Variants in CADPS2 observed in about 807,000 individuals in gnomAD.
CADPS2 encodes calcium-dependent secretion activator 2.
A neutral mutation model predicts 172.5 loss-of-function variants in CADPS2; 93 were observed. The observed-to-expected ratio is 0.54, with a 90% CI of 0.46 to 0.64. The LOEUF (loss-of-function observed/expected upper bound fraction) is 0.64, where lower values mean the gene tolerates loss of function less well. Ranked by LOEUF, CADPS2 falls within the 30% of genes least tolerant of loss-of-function variation. The pLI is 0.00. For missense variants in CADPS2, 1,420 were observed against 1,565.9 expected (o/e 0.91, Z 1.57); for synonymous variants, 546 against 555.2 (o/e 0.98, Z 0.23).
chr7:122,634,249 G>A (rs775935018), intron 3 of CADPS2, among the ~76,000 whole-genome samples: 1 of 152,110 alleles, frequency 6.6e-6, no homozygotes, highest in Non-Finnish European at 1.5e-5. Flanking sequence ...GTTCTTCTTT[G>A]TACATCTGGT....
chr7:122,667,487 T>A (rs1487229613), intron 2 of CADPS2, among the ~76,000 whole-genome samples: 1 of 152,186 alleles, frequency 6.6e-6, no homozygotes, highest in Non-Finnish European at 1.5e-5. Context: ...CAATTAGATG[T>A]AATGTAATCA....
At chr7:122,443,695 A>ATT (rs2051697137) in intron 15 of CADPS2, among the ~76,000 whole-genome samples, 1 of 92,008 alleles carries the variant, frequency 1.1e-5, no homozygotes, top group African/African-American at 4.5e-5. Context: ...TGTCAGTTCC[A>ATT]GTTTCTGCTT....
chr7:122,524,479 C>T (rs908917588), intron 8 of CADPS2, among the ~76,000 whole-genome samples: 1 of 152,046 alleles, frequency 6.6e-6, no homozygotes, highest in Non-Finnish European at 1.5e-5. Context: ...TGTCTTGGAA[C>T]ATCTGGATAC....
intron 1 of CADPS2, among the ~76,000 whole-genome samples, chr7:122,780,153 C>T (rs1397004737): frequency 6.6e-6 from 1 of 152,056 alleles, no homozygotes; most frequent in Non-Finnish European, 1.5e-5. Context: ...TATTTCTGTA[C>T]ACATATAATT....
chr7:122,402,686 A>G (rs571211723), intron 20 of CADPS2, among the ~76,000 whole-genome samples: 80 of 152,326 alleles, frequency 5.3e-4, no homozygotes, highest in African/African-American at 1.9e-3. Flanking sequence ...AATTTTGGGA[A>G]AGCAAACATA....
chr7:122,784,490 T>C (rs1793553087), intron 1 of CADPS2, among the ~76,000 whole-genome samples: 1 of 152,248 alleles, frequency 6.6e-6, no homozygotes, highest in South Asian at 2.1e-4. Context: ...GATTCACATC[T>C]ACTCTTGGAT....
At chr7:122,872,044 A>C (rs2141515819) in intron 1 of CADPS2, among the ~76,000 whole-genome samples, 1 of 152,212 alleles carries the variant, frequency 6.6e-6, no homozygotes, top group Admixed American at 6.6e-5. Context: ...TGAGCTCCAA[A>C]CAACTGACTT....
chr7:122,745,592 CTTGGTT>C (rs1228908580), intron 1 of CADPS2, among the ~76,000 whole-genome samples: 2 of 146,384 alleles, frequency 1.4e-5, no homozygotes, highest in Non-Finnish European at 3.0e-5. Flanking sequence ...AGGATAAGAA[CTTGGTT>C]TTAGCCTAAA....
chr7:122,668,712 A>C (rs2081450543), intron 2 of CADPS2, among the ~76,000 whole-genome samples: 1 of 152,126 alleles, frequency 6.6e-6, no homozygotes, highest in Admixed American at 6.5e-5. Context: ...CAAGTACCAT[A>C]AGAGAAATCA....
At chr7:122,845,055 G>T (rs1187919200) in intron 1 of CADPS2, among the ~76,000 whole-genome samples, 1 of 152,084 alleles carries the variant, frequency 6.6e-6, no homozygotes, top group Non-Finnish European at 1.5e-5. Context: ...ACTATTCCCT[G>T]CTGATAAGCC....
At chr7:122,715,959 T>C (rs764522019) in intron 2 of CADPS2, among the ~76,000 whole-genome samples, 3 of 151,980 alleles carry the variant, frequency 2.0e-5, no homozygotes, top group Admixed American at 6.6e-5. Flanking sequence ...AGCAAATTCA[T>C]TGGGGGAGGG....
chr7:122,418,169 C>CAAA (rs112532888), intron 17 of CADPS2, among the ~76,000 whole-genome samples: 1 of 109,134 alleles, frequency 9.2e-6, no homozygotes. Context: ...GACTCCATCT[C>CAAA]AAAAAAAAAA....
intron 14 of CADPS2, among the ~76,000 whole-genome samples, chr7:122,457,344 CA>C (rs2053907675): frequency 6.6e-6 from 1 of 152,068 alleles, no homozygotes; most frequent in African/African-American, 2.4e-5. Flanking sequence ...ATCCCTTTTC[CA>C]GTATAATAAA....
chr7:122,852,707 G>T (rs924786470), intron 1 of CADPS2, among the ~76,000 whole-genome samples: 7 of 152,148 alleles, frequency 4.6e-5, no homozygotes, highest in Admixed American at 1.3e-4. Context: ...AGAGAGCAAG[G>T]GGGAGAGGTG....
intron 8 of CADPS2, among the ~76,000 whole-genome samples, chr7:122,527,407 C>T (rs980318724): frequency 4.6e-5 from 3 of 65,568 alleles, no homozygotes; most frequent in Non-Finnish European, 9.3e-5. Context: ...CTAACTCTCA[C>T]TAATATGCTA....
chr7:122,881,364 A>G (rs981963583), intron 1 of CADPS2, among the ~76,000 whole-genome samples: 4 of 152,180 alleles, frequency 2.6e-5, no homozygotes, highest in Non-Finnish European at 4.4e-5. Context: ...AACTCATTCC[A>G]CCAAATTAAG....
intron 1 of CADPS2, among the ~76,000 whole-genome samples, chr7:122,836,942 C>T (rs1177027424): frequency 3.3e-5 from 5 of 152,180 alleles, no homozygotes; most frequent in Non-Finnish European, 7.3e-5. Context: ...TAGACATCTA[C>T]AGAACGCTCC....
intron 6 of CADPS2, among the ~76,000 whole-genome samples, chr7:122,596,362 A>T (rs1380624695): frequency 6.6e-6 from 1 of 152,136 alleles, no homozygotes; most frequent in Admixed American, 6.6e-5. Flanking sequence ...TTAATGGAAC[A>T]TTTAAATAAT....
chr7:122,830,652 T>C (rs1043255276), intron 1 of CADPS2, among the ~76,000 whole-genome samples: 6 of 152,252 alleles, frequency 3.9e-5, no homozygotes, highest in Admixed American at 2.6e-4. Flanking sequence ...TTCAATTTTC[T>C]ATCTCATAGG....
Sources: gnomAD v4.1 joint callset for allele counts (sites outside exome capture counted in the v4.1 genomes callset) on GRCh38, gnomAD v4.1.1 for gene constraint, MANE v1.5 for transcripts, NCBI Gene and HGNC (gene_info 2026-07-23, HGNC 2026-07-21) for gene names.